Variants in CX3CR1 observed in about 807,000 individuals in gnomAD.
CX3CR1 encodes the protein C-X3-C motif chemokine receptor 1.
For synonymous variants in CX3CR1, 168 were observed against 178.5 expected (o/e 0.94, Z 0.47); for missense variants, 363 against 432.4 (o/e 0.84, Z 1.42).
chr3:39,272,170 T>C (rs986347674), intron 1 of CX3CR1, among the ~76,000 whole-genome samples: 1 of 152,254 alleles, frequency 6.6e-6, no homozygotes, highest in Admixed American at 6.5e-5. Flanking sequence ...CATCATCAAC[T>C]AAGGCTGCAC....
the CX3CR1 span, among the ~76,000 whole-genome samples, chr3:39,292,688 C>T: frequency 1.8e-4 from 27 of 152,136 alleles, no homozygotes; most frequent in Non-Finnish European, 2.5e-4. Context: ...CCTCATTTTA[C>T]GGATGAGGAT....
chr3:39,274,375 A>G (rs2040814336), intron 1 of CX3CR1, among the ~76,000 whole-genome samples: 1 of 151,008 alleles, frequency 6.6e-6, no homozygotes, highest in Non-Finnish European at 1.5e-5. Flanking sequence ...TTCAGTGACT[A>G]TCTATTCCTA....
the CX3CR1 span, among the ~76,000 whole-genome samples, chr3:39,290,554 G>A: frequency 6.6e-6 from 1 of 152,182 alleles, no homozygotes; most frequent in Non-Finnish European, 1.5e-5. Context: ...ATGCCAAAGG[G>A]AGAGATTAAG....
rs746655665 is a variant in CX3CR1 at position 39,265,637 on chromosome 3, G to A, written c.873C>T (p.Leu291=). 10 of 1,614,104 alleles carry A rather than the reference G, an allele frequency of 6.2e-6. No homozygotes were observed. The Admixed American group carries it at 1.7e-4, about 27-fold the overall frequency. Residue 291 remains leucine (L), a synonymous_variant, in exon 2 of 2, where the codon CTC becomes CTT. Coordinates refer to ENST00000399220, the MANE Select transcript of CX3CR1 (RefSeq NM_001337.4). The part of the protein sequence containing the change: ...VAFSHCCLNP[L]IYAFAGEKFR... Reference sequence around the variant, plus strand: ...ACTTCTCCCCAGCAAATGCATAGATGAGAGGATTCAGGCAACAATGGCTAA... The same window carrying A: ...ACTTCTCCCCAGCAAATGCATAGATAAGAGGATTCAGGCAACAATGGCTAA...
chr3:39,283,843 T>TATATATATA (rs1351970787), upstream of CX3CR1, among the ~76,000 whole-genome samples: 41 of 74,108 alleles, frequency 5.5e-4, no homozygotes, highest in Non-Finnish European at 8.3e-4. Context: ...ATATATATAA[T>TATATATATA]GTGGTTAATA....
Position 39,265,272 on chromosome 3 carries a change from AT to A in CX3CR1, c.*169del. 1 of 616,678 alleles carries A rather than the reference AT, an allele frequency of 1.6e-6. No homozygotes were observed. The highest frequency in any genetic ancestry group is 2.8e-6 in the Non-Finnish European group (1 of 362,874). 38.2% of individuals were successfully genotyped at this position (616,678 alleles called of 1,614,324 possible). ...GTCATTCAAAGAGTTCAATTTGTTC[AT>A]TCTTCAAATTTTGAGCACAATTCTC... On this transcript the variant is annotated 3_prime_UTR_variant, in exon 2 of 2. Coordinates refer to ENST00000399220, the MANE Select transcript of CX3CR1 (RefSeq NM_001337.4).
chr3:39,274,173 AGACCCCT>A (rs1351522386), intron 1 of CX3CR1, among the ~76,000 whole-genome samples: 1 of 152,154 alleles, frequency 6.6e-6, no homozygotes, highest in Non-Finnish European at 1.5e-5. Flanking sequence ...TGCCATGCCC[AGACCCCT>A]GACTGTTTGG....
chr3:39,281,748 A>G, upstream of CX3CR1: 1 of 1,371,934 alleles, frequency 7.3e-7, no homozygotes, highest in Non-Finnish European at 1.0e-6. Context: ...CTCACTTCCT[A>G]CTGTGCTCTC....
intron 1 of CX3CR1, among the ~76,000 whole-genome samples, chr3:39,276,946 TG>T (rs1330721880): frequency 6.6e-6 from 1 of 152,188 alleles, no homozygotes; most frequent in East Asian, 1.9e-4. Context: ...GAGAGGCTTC[TG>T]GGGTTCTCTT....
chr3:39,269,071 C>G (rs2040740780), intron 1 of CX3CR1, among the ~76,000 whole-genome samples: 1 of 151,910 alleles, frequency 6.6e-6, no homozygotes. Flanking sequence ...GGGAGGTAAG[C>G]CACCCTTTAT....
At chr3:39,286,183 G>T (rs1387958435), upstream of CX3CR1, 1 of 152,196 alleles carries the variant, frequency 6.6e-6, no homozygotes, top group Non-Finnish European at 1.5e-5. Flanking sequence ...ATTTCAAAGG[G>T]TCATTCCAAA....
rs776227760 is a variant in CX3CR1, at chr3:39,266,293, G to A, written c.217C>T (p.Leu73=). Residue 73 remains leucine (L), a synonymous_variant, in exon 2 of 2, where the codon CTG becomes TTG. Coordinates refer to ENST00000399220, the MANE Select transcript of CX3CR1 (RefSeq NM_001337.4). ...ACAAACAGCAGATCAGACAAGGCCA[G>A]GTTCAGGAGGTAAATGTCGGTGACA... The part of the protein sequence containing the change: ...KSVTDIYLLN[L]ALSDLLFVAT... 6.2e-7 allele frequency: 1 copy of A among 1,614,234 alleles called. No individual in the cohort carries two copies. Among genetic ancestry groups the A allele is most frequent in the East Asian group, 2.2e-5 (1 of 44,882 alleles).
chr3:39,281,547 C>G, upstream of CX3CR1: 1 of 1,424,246 alleles, frequency 7.0e-7, no homozygotes, highest in East Asian at 2.3e-5. Context: ...CATCCAGGGC[C>G]TGGATAATTT....
At position 39,265,394 on chromosome 3, in the gene CX3CR1, G is replaced by A; in HGVS notation, c.*48C>T. 2.0e-6 allele frequency: 3 copies of A among 1,532,678 alleles called. No individual in the cohort carries two copies. Among genetic ancestry groups the A allele is most frequent in the South Asian group, 2.5e-5 (2 of 78,464 alleles). 94.9% of individuals were successfully genotyped at this position (1,532,678 alleles called of 1,614,324 possible). On this transcript the variant is annotated 3_prime_UTR_variant, in exon 2 of 2. Transcript: ENST00000399220. ...ATCTTTCCTCACTAGTCAGCATCAG[G>A]TTCAGGAACTCCAGGTTCTCTGTAG...
chr3:39,289,192 G>A, the CX3CR1 span, among the ~76,000 whole-genome samples: 16 of 152,010 alleles, frequency 1.1e-4, no homozygotes, highest in Admixed American at 1.0e-3. Context: ...TGGCAAAGTC[G>A]GCATGAGGAT....
At chr3:39,280,951 T>C (rs1176138929), upstream of CX3CR1, 4 of 333,778 alleles carry the variant, frequency 1.2e-5, no homozygotes, top group African/African-American at 4.5e-5. Context: ...ATGGTGGCCT[T>C]CAATACACCT....
At chr3:39,291,443 CT>C in the CX3CR1 span, among the ~76,000 whole-genome samples, 1 of 152,196 alleles carries the variant, frequency 6.6e-6, no homozygotes, top group Admixed American at 6.5e-5. Context: ...CATACGCTCC[CT>C]CTTTCCCCTC....
Position 39,263,774 on chromosome 3 carries a change from G to A in CX3CR1, c.*1668C>T, listed in dbSNP as rs1370832642. On this transcript the variant is annotated 3_prime_UTR_variant, in exon 2 of 2. Transcript: ENST00000399220. ...AGCACTATTTGTGGTCTAACGTTAAGAGGAAAACAAATCAGATTATAAAAC... is the reference window on the plus strand; with the variant it reads ...AGCACTATTTGTGGTCTAACGTTAAAAGGAAAACAAATCAGATTATAAAAC... 32 of 152,190 alleles carry A rather than the reference G, an allele frequency of 2.1e-4. No individual in the cohort carries two copies. The highest frequency in any genetic ancestry group is 2.1e-3 in the Admixed American group (32 of 15,286). 9.4% of individuals were successfully genotyped at this position (152,190 alleles called of 1,614,324 possible). A position where few individuals can be genotyped will look rare whatever the true frequency, so the allele number is the denominator to read the frequency against.
intron 1 of CX3CR1, among the ~76,000 whole-genome samples, chr3:39,276,172 C>T (rs1401515852): frequency 2.0e-5 from 3 of 152,132 alleles, no homozygotes; most frequent in East Asian, 3.9e-4. Flanking sequence ...TCAGTTTAGG[C>T]TGAGTGCAGG....
Sources: allele counts gnomAD v4.1 joint callset (sites outside exome capture counted in the v4.1 genomes callset), GRCh38; gene constraint gnomAD v4.1.1; transcripts MANE v1.5; gene names NCBI Gene and HGNC (gene_info 2026-07-23, HGNC 2026-07-21).